The following SLC2A13 variants were observed in gnomAD, a reference collection of about 807,000 sequenced individuals.
The protein encoded by SLC2A13 is proton myo-inositol cotransporter.
In SLC2A13, 32 loss-of-function variants were observed where a neutral mutation model predicts 64.4. The ratio of observed to expected loss-of-function variants is 0.50; its 90% CI spans 0.37 to 0.67. The LOEUF (loss-of-function observed/expected upper bound fraction) is 0.67, where lower values mean the gene tolerates loss of function less well. SLC2A13 is among the 30% of genes least tolerant of loss of function. The pLI is 0.00. For missense variants in SLC2A13, 743 were observed against 829.2 expected, an observed-to-expected ratio of 0.90 and a Z score of 1.28; for synonymous variants, 338 against 327.1, an observed-to-expected ratio of 1.03 and a Z score of -0.36.
chr12:40,022,577 C>T (rs993502913), intron 3 of SLC2A13, among the ~76,000 whole-genome samples: 1 of 152,194 alleles, frequency 6.6e-6, no homozygotes, highest in Non-Finnish European at 1.5e-5. Context: ...TGGCTCATGC[C>T]TGTAATCTTA....
intron 7 of SLC2A13, among the ~76,000 whole-genome samples, chr12:39,827,635 G>A (rs941257340): frequency 6.6e-6 from 1 of 152,014 alleles, no homozygotes; most frequent in Non-Finnish European, 1.5e-5. Flanking sequence ...GGCAGGAGGA[G>A]ATTTTCCTGC....
chr12:39,989,690 G>A (rs2136164648), intron 3 of SLC2A13, among the ~76,000 whole-genome samples: 1 of 152,250 alleles, frequency 6.6e-6, no homozygotes, highest in South Asian at 2.1e-4. Context: ...AAATATCATC[G>A]CCATATGCAC....
intron 3 of SLC2A13, among the ~76,000 whole-genome samples, chr12:40,020,824 C>T (rs117798013): frequency 0.02 from 3,071 of 152,144 alleles, 38 homozygotes; most frequent in Non-Finnish European, 0.034. Flanking sequence ...CAGACTATCA[C>T]CTATACTGAA....
At position 39,830,564 on chromosome 12, in the gene SLC2A13, A is replaced by C. The variant is rs536895934; in HGVS notation, c.1320-336T>G. 4.5e-6 allele frequency: 4 copies of C among 881,412 alleles called. No individual in the cohort carries two copies. The African/African-American group carries it at 7.0e-5, about 16-fold the overall frequency. The allele number at this position is 881,412 out of a possible 1,614,324, so 54.6% of individuals were successfully genotyped here. A position where few individuals can be genotyped will look rare whatever the true frequency, so the allele number is the denominator to read the frequency against. On this transcript the variant is annotated intron_variant, in intron 6 of 9. Transcript: ENST00000280871. ...ACTGAGATTTGTTACCAAACTGTAGACTGCCTCATTGTGATCCAGCCCTGA... is the reference window on the plus strand; with the variant it reads ...ACTGAGATTTGTTACCAAACTGTAGCCTGCCTCATTGTGATCCAGCCCTGA...
At chr12:40,031,699 A>C (rs1947908285) in intron 2 of SLC2A13, among the ~76,000 whole-genome samples, 3 of 152,220 alleles carry the variant, frequency 2.0e-5, no homozygotes, top group South Asian at 2.1e-4. Flanking sequence ...GTATCACCCA[A>C]CTAAATTTTC....
intron 7 of SLC2A13, among the ~76,000 whole-genome samples, chr12:39,807,947 G>A (rs1942029985): frequency 6.6e-6 from 1 of 152,060 alleles, no homozygotes; most frequent in Admixed American, 6.6e-5. Flanking sequence ...TATAATTCTT[G>A]GAAGTCAAGA....
At chr12:39,864,735 A>T in intron 6 of SLC2A13, 27 bp downstream of exon 6, 1 of 1,610,100 alleles carries the variant, frequency 6.2e-7, no homozygotes, top group Non-Finnish European at 8.5e-7. Context: ...AGTCATGTAA[A>T]GGAAGAAGAA....
At chr12:39,985,992 A>G in intron 3 of SLC2A13, among the ~76,000 whole-genome samples, 1 of 152,142 alleles carries the variant, frequency 6.6e-6, no homozygotes, top group East Asian at 1.9e-4. Flanking sequence ...AGGCTCCAGA[A>G]GATTCACTGT....
chr12:39,984,888 T>A (rs1238705828), intron 3 of SLC2A13, among the ~76,000 whole-genome samples: 1 of 152,102 alleles, frequency 6.6e-6, no homozygotes, highest in Admixed American at 6.6e-5. Context: ...CTGTCATATA[T>A]CTTTACAAAG....
At chr12:40,016,248 G>C (rs1379384807) in intron 3 of SLC2A13, among the ~76,000 whole-genome samples, 1 of 152,038 alleles carries the variant, frequency 6.6e-6, no homozygotes, top group Admixed American at 6.6e-5. Flanking sequence ...CCATTATTAA[G>C]CTTAAGACAG....
At chr12:39,947,596 A>C (rs1946157079) in intron 4 of SLC2A13, among the ~76,000 whole-genome samples, 1 of 151,850 alleles carries the variant, frequency 6.6e-6, no homozygotes, top group South Asian at 2.1e-4. Flanking sequence ...TATTTCTTAG[A>C]TTGAACATGG....
intron 3 of SLC2A13, among the ~76,000 whole-genome samples, chr12:39,952,284 A>T (rs1946245117): frequency 6.6e-6 from 1 of 152,152 alleles, no homozygotes; most frequent in South Asian, 2.1e-4. Context: ...ATGGAGCTAG[A>T]GTCAACTCCC....
chr12:39,973,539 C>T (rs1171104166), intron 3 of SLC2A13, among the ~76,000 whole-genome samples: 2 of 152,214 alleles, frequency 1.3e-5, no homozygotes, highest in Admixed American at 1.3e-4. Flanking sequence ...TGTCACACAT[C>T]TGACTTCTTA....
intron 1 of SLC2A13, among the ~76,000 whole-genome samples, chr12:40,060,885 G>A (rs944260580): frequency 1.3e-5 from 2 of 152,036 alleles, no homozygotes; most frequent in African/African-American, 4.8e-5. Flanking sequence ...GTTATCTTGT[G>A]GTGCATAAAT....
chr12:39,958,247 C>T (rs1201978668), intron 3 of SLC2A13, among the ~76,000 whole-genome samples: 1 of 152,142 alleles, frequency 6.6e-6, no homozygotes, highest in South Asian at 2.1e-4. Context: ...TGCACCTGTA[C>T]CTCTCTGCCT....
At chr12:39,803,174 T>C (rs2135789381) in intron 7 of SLC2A13, among the ~76,000 whole-genome samples, 1 of 141,970 alleles carries the variant, frequency 7.0e-6, no homozygotes, top group African/African-American at 2.7e-5. Context: ...TGGTTGGTGA[T>C]AGCCCTGTGG....
chr12:39,920,112 A>C (rs1398069978), intron 4 of SLC2A13, among the ~76,000 whole-genome samples: 1 of 152,084 alleles, frequency 6.6e-6, no homozygotes, highest in East Asian at 1.9e-4. Context: ...CTCATCATTC[A>C]AGACACATTC....
chr12:40,015,679 T>C (rs1947609406), intron 3 of SLC2A13, among the ~76,000 whole-genome samples: 2 of 152,192 alleles, frequency 1.3e-5, no homozygotes, highest in South Asian at 2.1e-4. Flanking sequence ...TGGTGTGTTA[T>C]ATATTCCTTT....
chr12:39,944,300 G>C (rs1565554598), intron 4 of SLC2A13, among the ~76,000 whole-genome samples: 1 of 152,230 alleles, frequency 6.6e-6, no homozygotes. Context: ...ATGTGCTGCT[G>C]AATAGAATGT....
Sources: gnomAD v4.1 joint callset for allele counts (sites outside exome capture counted in the v4.1 genomes callset) on GRCh38, gnomAD v4.1.1 for gene constraint, MANE v1.5 for transcripts, NCBI Gene and HGNC (gene_info 2026-07-23, HGNC 2026-07-21) for gene names.